The following LAMB3 variants were observed in gnomAD, a reference collection of about 807,000 sequenced individuals.
LAMB3 encodes the protein laminin subunit beta-3.
LAMB3 carries 104 observed loss-of-function variants against 140.3 expected under a neutral mutation model. The ratio of observed to expected loss-of-function variants is 0.74; its 90% confidence interval spans 0.63 to 0.87. LAMB3 has a LOEUF of 0.87. Ranked by LOEUF, LAMB3 falls within the 40% of genes least tolerant of loss-of-function variation. The probability of loss-of-function intolerance (pLI) is 0.00; values close to 1 mark genes in which losing one functional copy is unlikely to be tolerated. For missense variants in LAMB3, 1,531 were observed against 1,575.2 expected (o/e 0.97, Z 0.47); for synonymous variants, 592 against 602.9 (o/e 0.98, Z 0.26).
At chr1:209,618,815 C>T (rs775931853) in intron 18 of LAMB3, 156 bp from the exon 19 acceptor site, 72 of 705,330 alleles carry the variant, frequency 1.0e-4, no homozygotes, top group Non-Finnish European at 1.2e-4. Flanking sequence ...CAGACTCAGG[C>T]GCCTGTTCTC....
chr1:209,627,913 C>T (rs928221049), intron 11 of LAMB3, 122 bp downstream of exon 11: 18 of 1,290,122 alleles, frequency 1.4e-5, no homozygotes, highest in Non-Finnish European at 1.9e-5. Context: ...CCGGGCATAC[C>T]CCCTCTGTCT....
rs1400172256 is a variant in LAMB3, at chr1:209,635,613, G to A, written c.373-975C>T. On this transcript the variant is annotated intron_variant, in intron 5 of 22. Transcript: ENST00000356082. ...AAATGGGTTTTCACCATGTTGGCCA[G>A]GCTGGTCTTGAACTCCTGACCTCAA... Among the ~76,000 whole-genome samples the A allele has an allele frequency of 3.9e-5, 6 of 152,256 alleles. No homozygotes were observed. The East Asian group carries it at 1.2e-3, about 29-fold the overall frequency.
chr1:209,638,098 C>T, intron 4 of LAMB3, 117 bp from the exon 5 acceptor site: 2 of 818,848 alleles, frequency 2.4e-6, no homozygotes, highest in Non-Finnish European at 4.1e-6. Flanking sequence ...CTTGATTTTC[C>T]AAACTCCCTC....
At chr1:209,641,754 A>G (rs758520354) in intron 3 of LAMB3, among the ~76,000 whole-genome samples, 1 of 152,200 alleles carries the variant, frequency 6.6e-6, no homozygotes, top group Admixed American at 6.5e-5. Flanking sequence ...GAAATACCTG[A>G]GCACTTAAAA....
rs371036275 is a variant in LAMB3, at chr1:209,638,561, G to T, written c.271C>A (p.Pro91Thr). 41 of 1,612,976 alleles carry T rather than the reference G, an allele frequency of 2.5e-5. No individual in the cohort carries two copies. The highest frequency in any genetic ancestry group is 3.1e-5 in the Non-Finnish European group (37 of 1,179,064). Residue 91 changes from proline to threonine, a missense_variant, in exon 4 of 23, where the codon CCC becomes ACC. Pro to Thr is a conservative substitution (Grantham distance 38, BLOSUM62 -1). Transcript: ENST00000356082. ...RVENVASSSG[P>T]MRWWQSQNDV... ...TTCTGTGACTGCCACCAGCGCATGG[G>T]GCCGGAGGATGAAGCCACATTCTCT...
intron 3 of LAMB3, among the ~76,000 whole-genome samples, chr1:209,641,679 A>C (rs557165737): frequency 2.0e-5 from 3 of 152,314 alleles, no homozygotes; most frequent in African/African-American, 7.2e-5. Context: ...CACTTTGGGA[A>C]GAAACGGGGC....
chr1:209,637,719 G>C (rs985021886), intron 5 of LAMB3, among the ~76,000 whole-genome samples, 189 bp downstream of exon 5: 2 of 152,154 alleles, frequency 1.3e-5, no homozygotes, highest in Non-Finnish European at 2.9e-5. Flanking sequence ...ACCACTGCAC[G>C]GCCAAGACAG....
At chr1:209,629,662 T>C (rs1415150823) in intron 10 of LAMB3, 75 bp downstream of exon 10, 1 of 1,423,228 alleles carries the variant, frequency 7.0e-7, no homozygotes, top group Admixed American at 1.7e-5. Context: ...CCCAGGAACA[T>C]GTACTCTATT....
At chr1:209,628,683 C>G (rs377576278) in intron 10 of LAMB3, among the ~76,000 whole-genome samples, 2,635 of 151,336 alleles carry the variant, frequency 0.017, 66 homozygotes, top group African/African-American at 0.06. Flanking sequence ...GCAACAAGAG[C>G]GAAACCATCT....
intron 5 of LAMB3, among the ~76,000 whole-genome samples, chr1:209,636,119 G>C (rs1414287121): frequency 2.1e-5 from 3 of 143,738 alleles, no homozygotes; most frequent in Non-Finnish European, 3.0e-5. Flanking sequence ...TCAGCATCTT[G>C]TTTCCTTCAG....
chr1:209,637,813 C>A, intron 5 of LAMB3, 95 bp downstream of exon 5: 1 of 1,011,188 alleles, frequency 9.9e-7, no homozygotes, highest in Non-Finnish European at 1.5e-6. Context: ...GTTGCCCCAA[C>A]CCAGAGAGAC....
chr1:209,626,915 G>A lies in LAMB3; in HGVS notation c.1549C>T (p.Arg517Cys), dbSNP rs78788119. Residue 517 changes from arginine (R) to cysteine (C), a missense_variant, in exon 13 of 23, where the codon CGC (arginine) becomes TGC (cysteine). Physicochemically the swap from Arg to Cys is radical, Grantham distance 180. Coordinates refer to ENST00000356082, the MANE Select transcript of LAMB3 (RefSeq NM_000228.3). ...CCATAGGTCCGGTCTGGACACTGGC[G>A]GATGGCTGCAGCGCTGCACATCAGG... ...GGLMCSAAAI[R>C]QCPDRTYGDV... 1.5e-4 allele frequency: 245 copies of A among 1,613,854 alleles called. 1 individual carries two copies. The East Asian group carries it at 4.3e-3, about 28-fold the overall frequency.
At chr1:209,649,626 C>A (rs572481630) in intron 3 of LAMB3, among the ~76,000 whole-genome samples, 2 of 152,318 alleles carry the variant, frequency 1.3e-5, no homozygotes, top group South Asian at 2.1e-4. Flanking sequence ...AGGCTCCATA[C>A]ACATAAACGG....
At chr1:209,629,956 T>C (rs776789521) in intron 9 of LAMB3, 31 bp from the exon 10 acceptor site, 178 of 1,604,026 alleles carry the variant, frequency 1.1e-4, no homozygotes, top group Non-Finnish European at 1.3e-4. Flanking sequence ...GGCTGACATC[T>C]GACCCACACC....
intron 5 of LAMB3, among the ~76,000 whole-genome samples, chr1:209,635,751 T>C (rs1426621452): frequency 6.6e-6 from 1 of 152,174 alleles, no homozygotes; most frequent in Non-Finnish European, 1.5e-5. Flanking sequence ...GCCAGGCTGG[T>C]CATCTTCTTA....
chr1:209,634,295 CAG>C, intron 6 of LAMB3, 150 bp downstream of exon 6: 1 of 787,068 alleles, frequency 1.3e-6, no homozygotes, highest in East Asian at 2.6e-5. Flanking sequence ...AGGGTGGCCA[CAG>C]GGGTCATTAC....
intron 18 of LAMB3, among the ~76,000 whole-genome samples, chr1:209,620,617 T>C (rs1666154431): frequency 6.6e-6 from 1 of 152,374 alleles, no homozygotes; most frequent in South Asian, 2.1e-4. Flanking sequence ...GAAGCCTACC[T>C]GCACCACTGC....
intron 4 of LAMB3, 100 bp downstream of exon 4, chr1:209,638,434 A>C: frequency 1.3e-6 from 1 of 796,844 alleles, no homozygotes. Context: ...CACCACCATA[A>C]GAAATGCCTG....
Position 209,623,994 on chromosome 1 carries a change from A to G in LAMB3, c.1983T>C (p.Thr661=). Residue 661 remains threonine (T), a synonymous_variant, in exon 15 of 23, where the codon ACT becomes ACC. Transcript: ENST00000356082. This position sits in a 1 kb window ranked among gnomAD's most constrained non-coding sequence, Gnocchi z 4.2. The part of the protein sequence containing the change: ...VASAILSLRR[T]LQGLQLDLPL... ...GCAGATCCAGCTGCAGGCCCTGGAGAGTTCGCCTGAGAAGGGAGAGGAGCT... is the reference window on the plus strand; with the variant it reads ...GCAGATCCAGCTGCAGGCCCTGGAGGGTTCGCCTGAGAAGGGAGAGGAGCT... 1 of 1,612,802 alleles carries G rather than the reference A, an allele frequency of 6.2e-7. No individual in the cohort carries two copies. Among genetic ancestry groups the G allele is most frequent in the Non-Finnish European group, 8.5e-7 (1 of 1,179,788 alleles).
Sources: allele counts gnomAD v4.1 joint callset (sites outside exome capture counted in the v4.1 genomes callset), GRCh38; gene constraint gnomAD v4.1.1; non-coding constraint Gnocchi (gnomAD v3.1); transcripts MANE v1.5; gene names NCBI Gene and HGNC (gene_info 2026-07-23, HGNC 2026-07-21).